ARSG: variants seen among roughly 807,000 people sequenced by gnomAD.
ARSG encodes ASG.
In ARSG, 37 loss-of-function variants were observed where a neutral mutation model predicts 50.5. That is an observed-to-expected ratio of 0.73 (90% CI 0.56 to 0.96). The LOEUF (loss-of-function observed/expected upper bound fraction) is 0.96. ARSG is among the 50% of genes least tolerant of loss of function. ARSG has a pLI of 0.00. For missense variants in ARSG, 629 were observed against 675.3 expected, an observed-to-expected ratio of 0.93 and a Z score of 0.76; for synonymous variants, 225 against 254.6, an observed-to-expected ratio of 0.88 and a Z score of 1.11.
chr17:68,389,973 CCTTTCTTT>C (rs72124884), intron 9 of ARSG, among the ~76,000 whole-genome samples: 87 of 150,782 alleles, frequency 5.8e-4, no homozygotes, highest in African/African-American at 1.7e-3. Flanking sequence ...GCAGGCCAGG[CCTTTCTTT>C]CTTTCTTTCT....
At position 68,366,786 on chromosome 17, in the gene ARSG, C is replaced by T. The variant is rs182609019; in HGVS notation, c.705-1762C>T. The stretch of plus-strand genomic sequence containing the variant: ...TCTTAACCATTTTAAATGTAAAGTT[C>T]TGTCGCATTAAACATTCACTTTGTT... On this transcript the variant is annotated intron_variant, in intron 6 of 11. Transcript: ENST00000621439. 3.6e-3 allele frequency among the ~76,000 whole-genome samples: 545 copies of T among 152,080 alleles called. 10 individuals are homozygous for T. Among genetic ancestry groups the T allele is most frequent in the Admixed American group, 0.033 (500 of 15,268 alleles).
chr17:68,426,168 A>C, downstream of ARSG: 3 of 1,606,636 alleles, frequency 1.9e-6, no homozygotes, highest in Non-Finnish European at 2.6e-6. Context: ...CGCCGTCCTC[A>C]GAATAACCTG....
the ARSG span, among the ~76,000 whole-genome samples, chr17:68,431,948 C>G: frequency 1.3e-5 from 2 of 152,172 alleles, no homozygotes; most frequent in Non-Finnish European, 2.9e-5. Context: ...TGAACGGCAT[C>G]TTAACAGCTC....
At chr17:68,431,176 C>A in the ARSG span, among the ~76,000 whole-genome samples, 1 of 152,156 alleles carries the variant, frequency 6.6e-6, no homozygotes, top group South Asian at 2.1e-4. Context: ...AAAGAAAAAC[C>A]ACGTGAGCAG....
the ARSG span, among the ~76,000 whole-genome samples, chr17:68,430,371 C>T: frequency 6.6e-6 from 1 of 152,134 alleles, no homozygotes; most frequent in Non-Finnish European, 1.5e-5. Flanking sequence ...TTCAGAAGAG[C>T]CATTGTAAAG....
At position 68,389,941 on chromosome 17, in the gene ARSG, C is replaced by A. The variant is rs547187776; in HGVS notation, c.1091+4769C>A. On this transcript the variant is annotated intron_variant, in intron 9 of 11. Transcript: ENST00000621439. Reference sequence around the variant, plus strand: ...CTTCCACTCCCCTTTACCTACCCCCCACCTGCACACCTTGGGGTCCAGCAG... The same window carrying A: ...CTTCCACTCCCCTTTACCTACCCCCAACCTGCACACCTTGGGGTCCAGCAG... Among the ~76,000 whole-genome samples, 44 of 152,098 alleles carry A rather than the reference C, an allele frequency of 2.9e-4. 1 individual carries two copies. The South Asian group carries it at 8.5e-3, about 30-fold the overall frequency.
chr17:68,322,549 G>A (rs868975169), intron 2 of ARSG, among the ~76,000 whole-genome samples: 10 of 152,180 alleles, frequency 6.6e-5, no homozygotes, highest in African/African-American at 1.9e-4. Context: ...CCTGGGAGGC[G>A]GAGGTTGCAG....
chr17:68,346,183 G>C (rs1375271486), intron 3 of ARSG, among the ~76,000 whole-genome samples: 2 of 152,096 alleles, frequency 1.3e-5, no homozygotes, highest in African/African-American at 4.8e-5. Flanking sequence ...GAGAAATTGA[G>C]AGCCCATTTC....
At chr17:68,428,890 G>A in the ARSG span, 1 of 1,614,156 alleles carries the variant, frequency 6.2e-7, no homozygotes, top group Non-Finnish European at 8.5e-7. Flanking sequence ...TACATATAAA[G>A]GTGTCCACTG....
chr17:68,305,149 C>T (rs1383355885), intron 1 of ARSG, among the ~76,000 whole-genome samples: 1 of 152,080 alleles, frequency 6.6e-6, no homozygotes, highest in African/African-American at 2.4e-5. Flanking sequence ...AAAATAAATA[C>T]ATAAATAAAA....
intron 11 of ARSG, among the ~76,000 whole-genome samples, chr17:68,412,717 T>C (rs1028538973): frequency 2.1e-4 from 32 of 152,166 alleles, no homozygotes; most frequent in Non-Finnish European, 3.8e-4. Context: ...GCAGAGTGTT[T>C]TCCAACTTGG....
chr17:68,427,233 G>A (rs1178364159), downstream of ARSG: 1 of 1,613,832 alleles, frequency 6.2e-7, no homozygotes, highest in Non-Finnish European at 8.5e-7. Flanking sequence ...ATTCTCTTCT[G>A]TTGTTCCTGA....
the ARSG span, chr17:68,429,918 G>A: frequency 1.3e-6 from 2 of 1,595,900 alleles, no homozygotes; most frequent in Admixed American, 3.6e-5. Context: ...TTCTTTTCAG[G>A]TTTGGGGATT....
the ARSG span, among the ~76,000 whole-genome samples, chr17:68,442,278 A>T: frequency 6.6e-6 from 1 of 152,118 alleles, no homozygotes; most frequent in African/African-American, 2.4e-5. Context: ...AGCCTGGCCA[A>T]CATGGTGAAA....
chr17:68,402,595 G>A lies in ARSG; in HGVS notation c.1303+1145G>A, dbSNP rs553293011. ...GCTGGAGTGCAGTGGCGTGATCTTG[G>A]CTCACTGCAAGCTCTGCCTCCCTGG... On this transcript the variant is annotated intron_variant, in intron 11 of 11. Transcript: ENST00000621439. Among the ~76,000 whole-genome samples, 82 of 152,048 alleles carry A rather than the reference G, an allele frequency of 5.4e-4. 1 individual carries two copies. In the East Asian group the frequency reaches 0.015, roughly 27 times the overall value.
chr17:68,444,964 A>C, the ARSG span, among the ~76,000 whole-genome samples: 1 of 132,092 alleles, frequency 7.6e-6, no homozygotes, highest in East Asian at 2.2e-4. Context: ...TCTGTCACCC[A>C]GACTGGAGTG....
chr17:68,431,867 C>T, the ARSG span, among the ~76,000 whole-genome samples: 2 of 70,952 alleles, frequency 2.8e-5, no homozygotes, highest in African/African-American at 1.1e-4. Flanking sequence ...AAATCAATCT[C>T]TGATAATAAT....
intron 1 of ARSG, among the ~76,000 whole-genome samples, chr17:68,303,490 C>T (rs2076496036): frequency 6.6e-6 from 1 of 151,976 alleles, no homozygotes; most frequent in Non-Finnish European, 1.5e-5. Context: ...ACTCTGTCAC[C>T]CAGGTTGGAG....
chr17:68,402,776 C>T (rs1161626085), intron 11 of ARSG, among the ~76,000 whole-genome samples: 6 of 152,162 alleles, frequency 3.9e-5, no homozygotes, highest in African/African-American at 1.4e-4. Context: ...CCACCCGCCT[C>T]GGCCTCCCAA....
Sources: allele counts gnomAD v4.1 joint callset (sites outside exome capture counted in the v4.1 genomes callset), GRCh38; gene constraint gnomAD v4.1.1; transcripts MANE v1.5; gene names NCBI Gene and HGNC (gene_info 2026-07-23, HGNC 2026-07-21).